The following PCSK7 variants were observed in gnomAD, a reference collection of about 807,000 sequenced individuals.
PCSK7 encodes the protein proprotein convertase subtilisin/kexin type 7.
Under a neutral mutation model 73.3 loss-of-function variants are expected in PCSK7, and 38 were observed. The ratio of observed to expected loss-of-function variants is 0.52; its 90% CI spans 0.40 to 0.68. The LOEUF is 0.68. PCSK7 is among the 30% of genes least tolerant of loss of function. The probability of loss-of-function intolerance (pLI) is 0.00; values close to 1 mark genes in which losing one functional copy is unlikely to be tolerated. For synonymous variants in PCSK7, 296 were observed against 383.8 expected, an observed-to-expected ratio of 0.77 and a Z score of 2.68; for missense variants, 692 against 991.5, an observed-to-expected ratio of 0.70 and a Z score of 4.06.
At position 117,204,566 on chromosome 11, in the gene PCSK7, C is replaced by A; in HGVS notation, c.*1431G>T. The A allele has an allele frequency of 1.3e-6, 1 of 755,176 alleles. No homozygotes were observed. Among genetic ancestry groups the A allele is most frequent in the Non-Finnish European group, 2.3e-6 (1 of 443,950 alleles). The allele number at this position is 755,176 out of a possible 1,614,324, so 46.8% of individuals were successfully genotyped here. On this transcript the variant is annotated 3_prime_UTR_variant, in exon 17 of 17. Transcript: ENST00000320934. ...AACTTCTTACCCGAAAGCATCACTGCCTTGGCCCCTCCCTCCCGGCTGCCC... is the reference window on the plus strand; with the variant it reads ...AACTTCTTACCCGAAAGCATCACTGACTTGGCCCCTCCCTCCCGGCTGCCC...
rs1358701399 is a variant in PCSK7 at position 117,218,365 on chromosome 11, G to A, written c.1534+101C>T. ...ACAGGTTTGGCTGGAGCTCAGCTCC[G>A]AAAGGGGGTAGAATCTGGCAGGGAG... On this transcript the variant is annotated intron_variant, in intron 12 of 16. Transcript: ENST00000320934. This position sits in a 1 kb window ranked among gnomAD's most constrained non-coding sequence, Gnocchi z 4.0. The A allele has an allele frequency of 1.1e-5, 7 of 622,096 alleles. No individual in the cohort carries two copies. The highest frequency in any genetic ancestry group is 3.0e-5 in the East Asian group (1 of 33,494). The allele number at this position is 622,096 out of a possible 1,614,324, so 38.5% of individuals were successfully genotyped here.
intron 4 of PCSK7, 46 bp from the exon 5 acceptor site, chr11:117,227,368 G>C (rs1002781828): frequency 4.8e-6 from 7 of 1,456,892 alleles, no homozygotes; most frequent in Non-Finnish European, 6.7e-6. Context: ...TGGTTAGAGG[G>C]GATCAGGTCC....
chr11:117,217,548 C>G (rs567705476), intron 12 of PCSK7: 1 of 152,236 alleles, frequency 6.6e-6, no homozygotes, highest in African/African-American at 2.4e-5. Flanking sequence ...GGAGAAAACT[C>G]AATTCTTCTC....
intron 12 of PCSK7, chr11:117,214,347 A>G (rs1024223994): frequency 6.6e-6 from 1 of 151,946 alleles, no homozygotes; most frequent in Non-Finnish European, 1.5e-5. Context: ...TCGAGGACTC[A>G]TTTGTGGAGA....
intron 12 of PCSK7, chr11:117,212,467 A>G (rs1233760131): frequency 7.0e-6 from 1 of 142,244 alleles, no homozygotes; most frequent in East Asian, 2.1e-4. Flanking sequence ...GTGCAGTGGC[A>G]CGATCTCGGC....
At chr11:117,209,924 C>G (rs11216315) in intron 12 of PCSK7, 16,486 of 151,896 alleles carry the variant, frequency 0.11, 1,096 homozygotes, top group African/African-American at 0.22. Context: ...TGCAGTGATA[C>G]ATAACAGATA....
intron 9 of PCSK7, chr11:117,221,028 GC>G (rs1379526312): frequency 3.3e-5 from 5 of 152,294 alleles, no homozygotes; most frequent in Non-Finnish European, 7.3e-5. Context: ...AGAGGGTTTA[GC>G]TGAGGCGGGC....
chr11:117,219,028 G>C (rs1345487248), intron 11 of PCSK7, 29 bp downstream of exon 11: 2 of 1,518,778 alleles, frequency 1.3e-6, no homozygotes. Flanking sequence ...CTCCACACAG[G>C]GCACCCTGCC....
intron 3 of PCSK7, 22 bp from the exon 4 acceptor site, chr11:117,228,372 A>T: frequency 6.2e-7 from 1 of 1,612,020 alleles, no homozygotes. Context: ...ACAGGATGGG[A>T]ATACAGTGAC....
chr11:117,223,579 T>C (rs1392814308), intron 8 of PCSK7: 3 of 502,828 alleles, frequency 6.0e-6, no homozygotes, highest in Non-Finnish European at 1.1e-5. Context: ...CACTTATTCA[T>C]TCACATGCTT....
chr11:117,213,724 G>C (rs1484871462), intron 12 of PCSK7: 1 of 152,156 alleles, frequency 6.6e-6, no homozygotes, highest in African/African-American at 2.4e-5. Context: ...TTTACTTCTT[G>C]GTGTGGATGC....
intron 9 of PCSK7, 114 bp from the exon 10 acceptor site, chr11:117,219,872 G>C: frequency 1.4e-6 from 1 of 709,642 alleles, no homozygotes; most frequent in Non-Finnish European, 2.3e-6. Flanking sequence ...GATTGCTTGA[G>C]CACAGGAGTT....
At chr11:117,213,797 A>G (rs1334553906) in intron 12 of PCSK7, 1 of 152,190 alleles carries the variant, frequency 6.6e-6, no homozygotes, top group African/African-American at 2.4e-5. Context: ...AAATGAGTTA[A>G]TGCATTAAAT....
rs2032462126 is a variant in PCSK7 at position 117,227,170 on chromosome 11, C to T, written c.756G>A (p.Gly252=). The T allele has an allele frequency of 1.9e-6, 3 of 1,606,706 alleles. No individual in the cohort carries two copies. The highest frequency in any genetic ancestry group is 2.6e-6 in the Non-Finnish European group (3 of 1,176,188). Residue 252 remains glycine, a synonymous_variant, in exon 5 of 17, where the codon GGG becomes GGA. Coordinates refer to ENST00000320934, the MANE Select transcript of PCSK7 (RefSeq NM_004716.4). ...NSFCAVGVAY[G]SRIAGIRVLD... is the part of the protein sequence containing the mutation. ...GGCACAAGTTACCTGCGATGCGGCT[C>T]CCGTAGGCCACGCCCACGGCACAGA...
intron 9 of PCSK7, 192 bp from the exon 10 acceptor site, chr11:117,219,950 A>G (rs1458972822): frequency 8.8e-6 from 4 of 453,052 alleles, no homozygotes; most frequent in Admixed American, 4.3e-5. Context: ...ATAAAAAAAG[A>G]ATATTTTTTA....
chr11:117,225,913 T>C lies in PCSK7; in HGVS notation c.860+18A>G, dbSNP rs754705482. The C allele has an allele frequency of 6.6e-7, 1 of 1,513,278 alleles. No individual in the cohort carries two copies. The highest frequency in any genetic ancestry group is 9.2e-7 in the Non-Finnish European group (1 of 1,088,472). 93.7% of individuals were successfully genotyped at this position (1,513,278 alleles called of 1,614,324 possible). ...GGTGCTCCAGGCTCTTGCCCTCTCATCTGCAGCTCTGCCTCACCTGCAGCT... is the reference window on the plus strand; with the variant it reads ...GGTGCTCCAGGCTCTTGCCCTCTCACCTGCAGCTCTGCCTCACCTGCAGCT... On this transcript the variant is annotated intron_variant, in intron 6 of 16. Coordinates refer to ENST00000320934, the MANE Select transcript of PCSK7 (RefSeq NM_004716.4).
intron 9 of PCSK7, chr11:117,222,729 C>T (rs527875790): frequency 6.4e-6 from 1 of 155,504 alleles, no homozygotes; most frequent in African/African-American, 2.4e-5. Context: ...TCACTGTAAC[C>T]TCCGCCTCCT....
chr11:117,224,129 CGTT>C lies in PCSK7; in HGVS notation c.1000_1002del (p.Asn334del). 3 of 1,614,136 alleles carry C rather than the reference CGTT, an allele frequency of 1.9e-6. No individual in the cohort carries two copies. The highest frequency in any genetic ancestry group is 1.1e-5 in the South Asian group (1 of 91,074). ...GCGTAGCCATCGTAGTTGCAGTTGT[CGTT>C]GTGTTGGCCTCCGTTGCCACTGGCT... On this transcript the variant is annotated inframe_deletion, in exon 8 of 17. Coordinates refer to ENST00000320934, the MANE Select transcript of PCSK7 (RefSeq NM_004716.4).
At chr11:117,212,463 T>C (rs2031773302) in intron 12 of PCSK7, 1 of 148,912 alleles carries the variant, frequency 6.7e-6, no homozygotes, top group South Asian at 2.1e-4. Context: ...TGGAGTGCAG[T>C]GGCACGATCT....
Sources: gnomAD v4.1 joint callset for allele counts on GRCh38, gnomAD v4.1.1 for gene constraint, Gnocchi (gnomAD v3.1) non-coding constraint, MANE v1.5 for transcripts, NCBI Gene and HGNC (gene_info 2026-07-23, HGNC 2026-07-21) for gene names.